The following COL12A1 variants were observed in gnomAD, a reference collection of about 807,000 sequenced individuals.
COL12A1 encodes collagen alpha-1(XII) chain.
COL12A1 carries 114 observed loss-of-function variants against 349.7 expected under a neutral mutation model. That is an observed-to-expected ratio of 0.33 (90% CI 0.28 to 0.38). COL12A1 has a LOEUF of 0.38. Ranked by LOEUF, COL12A1 falls within the 10% of genes least tolerant of loss-of-function variation. COL12A1 has a pLI of 1.00. For synonymous variants in COL12A1, 1,369 were observed against 1,329.0 expected, an observed-to-expected ratio of 1.03 and a Z score of -0.66; for missense variants, 3,284 against 3,756.9, an observed-to-expected ratio of 0.87 and a Z score of 3.29.
chr6:75,109,112 A>G lies in COL12A1; in HGVS notation c.8006T>C (p.Ile2669Thr). 1 of 1,607,256 alleles carries G rather than the reference A, an allele frequency of 6.2e-7. No homozygotes were observed. Among genetic ancestry groups the G allele is most frequent in the Non-Finnish European group, 8.5e-7 (1 of 1,174,552 alleles). Reference sequence around the variant, plus strand: ...AGCTTCCTTGATGTCTTTTTCTATAATTTCATAGCAGTCAATGTAAATCTT... The same window carrying G: ...AGCTTCCTTGATGTCTTTTTCTATAGTTTCATAGCAGTCAATGTAAATCTT... Reference protein sequence around the residue: ...SVKIYIDCYEIIEKDIKEAGN... With the variant: ...SVKIYIDCYETIEKDIKEAGN... The change falls in exon 52 of 66, where the codon ATT becomes ACT. Residue 2669 changes from isoleucine to threonine, a missense_variant. Ile to Thr is a moderately conservative substitution (Grantham distance 89). This residue lies in a region of COL12A1 where 683 missense variants were observed against 932.1 expected (regional missense o/e 0.73). Transcript: ENST00000322507.
chr6:75,105,072 G>T, intron 54 of COL12A1, 134 bp downstream of exon 54: 1 of 591,344 alleles, frequency 1.7e-6, no homozygotes, highest in South Asian at 2.8e-5. Context: ...TAAAAAGATG[G>T]TCTGCAATTT....
chr6:75,194,703 G>T, intron 3 of COL12A1, 128 bp downstream of exon 3: 1 of 562,644 alleles, frequency 1.8e-6, no homozygotes. Context: ...GCAAATGTCT[G>T]GTGACATGGA....
Position 75,146,148 on chromosome 6 carries a change from A to G in COL12A1, c.4514T>C (p.Leu1505Ser). The part of the protein sequence containing the change: ...QPVGGATGYI[L>S]SYKPVKDTEP... ...TGTGTCCTTAACAGGTTTGTATGAC[A>G]AGATGTAGCCAGTAGCTCCTCCCAC... Residue 1505 changes from leucine to serine, a missense_variant, in exon 24 of 66, where the codon TTG (leucine) becomes TCG (serine). Around this residue, in one of 2 missense-constraint regions of COL12A1, gnomAD observed 2,601 missense variants for 2,824.8 expected, o/e 0.92. Coordinates refer to ENST00000322507, the MANE Select transcript of COL12A1 (RefSeq NM_004370.6). 5 of 1,613,078 alleles carry G rather than the reference A, an allele frequency of 3.1e-6. No individual in the cohort carries two copies. The highest frequency in any genetic ancestry group is 4.2e-6 in the Non-Finnish European group (5 of 1,179,580).
chr6:75,166,322 T>C (rs1180021401), intron 13 of COL12A1, among the ~76,000 whole-genome samples: 1 of 152,224 alleles, frequency 6.6e-6, no homozygotes, highest in Non-Finnish European at 1.5e-5. Context: ...TATTTGCTCA[T>C]GCAGTTTAAA....
chr6:75,154,256 T>G (rs867644600), intron 17 of COL12A1, among the ~76,000 whole-genome samples, 160 bp downstream of exon 17: 1 of 152,076 alleles, frequency 6.6e-6, no homozygotes, highest in African/African-American at 2.4e-5. Flanking sequence ...CATGCTTGAC[T>G]GGATGTTTGA....
intron 14 of COL12A1, among the ~76,000 whole-genome samples, chr6:75,163,234 T>C (rs1254384972): frequency 6.6e-6 from 1 of 152,136 alleles, no homozygotes; most frequent in East Asian, 1.9e-4. Context: ...GCAGCAGTGT[T>C]CACAATAGCA....
intron 2 of COL12A1, among the ~76,000 whole-genome samples, chr6:75,197,801 G>T (rs961190286): frequency 6.6e-6 from 1 of 152,138 alleles, no homozygotes; most frequent in African/African-American, 2.4e-5. Flanking sequence ...TATTCTTATA[G>T]TTTAATTTCA....
intron 54 of COL12A1, among the ~76,000 whole-genome samples, chr6:75,104,499 T>A (rs1050578688): frequency 6.6e-6 from 1 of 152,146 alleles, no homozygotes; most frequent in Non-Finnish European, 1.5e-5. Context: ...ATCCCTGAGC[T>A]CCTCCTGTGT....
chr6:75,142,234 TA>T (rs1255870812), intron 26 of COL12A1, 73 bp from the exon 27 acceptor site: 4 of 1,539,238 alleles, frequency 2.6e-6, no homozygotes, highest in Non-Finnish European at 3.6e-6. Flanking sequence ...TTGTTTACTG[TA>T]CCTGTCAGCG....
At chr6:75,095,875 A>AAAAAGGGAATTGCTTTCTG (rs1768003944) in intron 59 of COL12A1, among the ~76,000 whole-genome samples, 1 of 152,146 alleles carries the variant, frequency 6.6e-6, no homozygotes, top group Non-Finnish European at 1.5e-5. Context: ...ATCTTTCAAA[A>AAAAAGGGAATTGCTTTCTG]CACAGAGGTT....
chr6:75,102,800 C>T (rs1235354280), intron 55 of COL12A1, 108 bp from the exon 56 acceptor site: 3 of 535,780 alleles, frequency 5.6e-6, no homozygotes, highest in Non-Finnish European at 6.0e-6. Context: ...ATCATATAAT[C>T]TTTGTAAACT....
At chr6:75,169,418 C>T (rs114908543) in intron 13 of COL12A1, among the ~76,000 whole-genome samples, 8,975 of 152,178 alleles carry the variant, frequency 0.059, 414 homozygotes, top group African/African-American at 0.11. Flanking sequence ...AAGGGGAAGG[C>T]ATAGAAACAG....
chr6:75,158,645 A>G (rs1435864995), intron 14 of COL12A1, among the ~76,000 whole-genome samples: 1 of 152,178 alleles, frequency 6.6e-6, no homozygotes, highest in Non-Finnish European at 1.5e-5. Flanking sequence ...ATATGTAATA[A>G]TGGTAGGAGA....
chr6:75,165,495 A>C lies in COL12A1; in HGVS notation c.2983+12T>G. On this transcript the variant is annotated intron_variant, in intron 14 of 65. Transcript: ENST00000322507. Reference sequence around the variant, plus strand: ...CCGGCACACACCCAAACACACCCATAATGTTACCTACATTCAGTTGTGGCA... The same window carrying C: ...CCGGCACACACCCAAACACACCCATCATGTTACCTACATTCAGTTGTGGCA... 1 of 1,611,684 alleles carries C rather than the reference A, an allele frequency of 6.2e-7. No homozygotes were observed. Among genetic ancestry groups the C allele is most frequent in the South Asian group, 1.1e-5 (1 of 90,990 alleles).
At chr6:75,172,551 G>A (rs1449635708) in intron 13 of COL12A1, among the ~76,000 whole-genome samples, 1 of 152,084 alleles carries the variant, frequency 6.6e-6, no homozygotes, top group Admixed American at 6.6e-5. Flanking sequence ...AAAATCTTAT[G>A]AACAACCTAT....
intron 21 of COL12A1, 67 bp downstream of exon 21, chr6:75,151,073 CA>C: frequency 2.8e-6 from 2 of 714,236 alleles, no homozygotes; most frequent in Non-Finnish European, 2.1e-6. Flanking sequence ...CCCCCCCACC[CA>C]AAAGAATAAT....
chr6:75,112,091 A>C (rs987731541), intron 51 of COL12A1, among the ~76,000 whole-genome samples: 1 of 151,852 alleles, frequency 6.6e-6, no homozygotes, highest in Non-Finnish European at 1.5e-5. Flanking sequence ...ACACTGGAGA[A>C]ATTTTAAAGC....
intron 32 of COL12A1, 105 bp from the exon 33 acceptor site, chr6:75,134,102 C>T (rs540909242): frequency 2.4e-4 from 300 of 1,258,126 alleles, no homozygotes; most frequent in Non-Finnish European, 2.6e-4. Flanking sequence ...TAGCAGGCAC[C>T]GCACAAACAT....
chr6:75,138,400 A>G, intron 29 of COL12A1, 48 bp downstream of exon 29: 1 of 1,605,664 alleles, frequency 6.2e-7, no homozygotes, highest in Non-Finnish European at 8.5e-7. Context: ...TATTTTTTAA[A>G]AATTAACTTT....
Sources: allele counts gnomAD v4.1 joint callset (sites outside exome capture counted in the v4.1 genomes callset), GRCh38; gene constraint gnomAD v4.1.1; regional missense constraint gnomAD v4.1.1; transcripts MANE v1.5; gene names NCBI Gene and HGNC (gene_info 2026-07-23, HGNC 2026-07-21).